Variants in EPS15 observed in about 807,000 individuals in gnomAD.
The protein encoded by EPS15 is epidermal growth factor receptor substrate 15.
In EPS15, 72 loss-of-function variants were observed where a neutral mutation model predicts 113.8. The observed-to-expected ratio is 0.63, with a 90% CI of 0.52 to 0.77. The LOEUF (loss-of-function observed/expected upper bound fraction) is 0.77. Among genes scored for constraint, EPS15 ranks in the 30% least tolerant of loss-of-function variants. EPS15 has a pLI of 0.00. For missense variants in EPS15, 1,048 were observed against 1,045.8 expected (o/e 1.00, Z -0.03); for synonymous variants, 344 against 363.4 (o/e 0.95, Z 0.61).
chr1:51,392,380 T>C (rs1186634604), intron 21 of EPS15, among the ~76,000 whole-genome samples: 4 of 152,194 alleles, frequency 2.6e-5, no homozygotes, highest in Non-Finnish European at 5.9e-5. Flanking sequence ...GTTCAATAAA[T>C]AGTAGCCATT....
At chr1:51,393,233 T>A (rs1647567593) in intron 21 of EPS15, among the ~76,000 whole-genome samples, 1 of 152,356 alleles carries the variant, frequency 6.6e-6, no homozygotes, top group East Asian at 1.9e-4. Flanking sequence ...GCCTTTTTTT[T>A]GGAGACAGAG....
intron 1 of EPS15, among the ~76,000 whole-genome samples, chr1:51,514,589 A>G (rs530126366): frequency 2.6e-5 from 4 of 152,336 alleles, no homozygotes; most frequent in East Asian, 3.9e-4. Context: ...TCACACTATT[A>G]GAGATTGCAG....
At chr1:51,367,617 C>T (rs564056496) in intron 21 of EPS15, among the ~76,000 whole-genome samples, 2 of 152,226 alleles carry the variant, frequency 1.3e-5, no homozygotes, top group South Asian at 2.1e-4. Context: ...TTTCTTCCAT[C>T]ACATTGCACT....
At chr1:51,403,169 C>G (rs554811436) in intron 17 of EPS15, among the ~76,000 whole-genome samples, 2 of 152,132 alleles carry the variant, frequency 1.3e-5, no homozygotes, top group Non-Finnish European at 2.9e-5. Context: ...TCCTGAGTAG[C>G]TGGGACTACA....
At chr1:51,358,631 T>C (rs1268709512) in intron 24 of EPS15, among the ~76,000 whole-genome samples, 1 of 152,124 alleles carries the variant, frequency 6.6e-6, no homozygotes, top group Non-Finnish European at 1.5e-5. Context: ...CTGTTTTTTA[T>C]TATACTATAT....
At chr1:51,398,084 C>G (rs1286492942) in intron 20 of EPS15, among the ~76,000 whole-genome samples, 1 of 148,118 alleles carries the variant, frequency 6.8e-6, no homozygotes, top group South Asian at 2.1e-4. Flanking sequence ...GACGGAGTCT[C>G]GCTCTGTCAC....
chr1:51,493,177 T>C (rs547871418), intron 1 of EPS15, among the ~76,000 whole-genome samples: 13 of 152,194 alleles, frequency 8.5e-5, no homozygotes, highest in Admixed American at 3.3e-4. Flanking sequence ...CTGGCTAACA[T>C]GGTGAAACCC....
chr1:51,364,825 G>A (rs1345065177), intron 22 of EPS15, among the ~76,000 whole-genome samples: 1 of 151,038 alleles, frequency 6.6e-6, no homozygotes, highest in Non-Finnish European at 1.5e-5. Context: ...GAAGCAAACT[G>A]ATCCCATAAA....
intron 1 of EPS15, among the ~76,000 whole-genome samples, chr1:51,514,539 CT>C (rs1243448364): frequency 6.6e-6 from 1 of 152,150 alleles, no homozygotes; most frequent in African/African-American, 2.4e-5. Context: ...TTGTAATTCC[CT>C]AAAGAACAAG....
intron 1 of EPS15, among the ~76,000 whole-genome samples, chr1:51,505,244 GCAT>G (rs1289842828): frequency 6.6e-6 from 1 of 152,014 alleles, no homozygotes; most frequent in Non-Finnish European, 1.5e-5. Flanking sequence ...GCTTATAAAA[GCAT>G]TATTCATAAC....
intron 6 of EPS15, among the ~76,000 whole-genome samples, 199 bp downstream of exon 6, chr1:51,465,062 A>G (rs900389052): frequency 6.6e-6 from 1 of 152,196 alleles, no homozygotes; most frequent in African/African-American, 2.4e-5. Context: ...ATTATAACAG[A>G]TATACAAGTA....
rs1243819783 is a variant in EPS15, at chr1:51,357,418, ATATATATATTT to A, written c.2545-583_2545-573del. On this transcript the variant is annotated intron_variant, in intron 24 of 24. Coordinates refer to ENST00000371733, the MANE Select transcript of EPS15 (RefSeq NM_001981.3). ...TATATATATATATATATATATATAT[ATATATATATTT>A]TTTTTTTTTAAATGTGATATATATA... is the stretch of plus-strand genomic sequence containing the variant. Among the ~76,000 whole-genome samples the A allele has an allele frequency of 2.5e-3, 174 of 68,918 alleles. 1 individual carries two copies. The highest frequency in any genetic ancestry group is 0.014 in the African/African-American group (170 of 12,554). The allele number at this position is 68,918 out of a possible 152,430, so 45.2% of individuals were successfully genotyped here.
chr1:51,448,016 G>T, intron 9 of EPS15, 30 bp downstream of exon 9: 1 of 1,606,898 alleles, frequency 6.2e-7, no homozygotes, highest in Admixed American at 1.7e-5. Context: ...CTGAAGAGGG[G>T]ATCAACCGCA....
chr1:51,384,386 T>C (rs1647014377), intron 21 of EPS15, among the ~76,000 whole-genome samples: 1 of 149,252 alleles, frequency 6.7e-6, no homozygotes, highest in Admixed American at 6.8e-5. Context: ...CTGTAATCTC[T>C]GCCTCCTCGG....
intron 21 of EPS15, among the ~76,000 whole-genome samples, chr1:51,380,788 A>G (rs1051477620): frequency 4.6e-5 from 7 of 152,356 alleles, no homozygotes; most frequent in Admixed American, 3.9e-4. Flanking sequence ...TACATGCTGT[A>G]TAAGAGAGAT....
At chr1:51,361,034 CTTGGGGGAAGAATGAAAGATCATTT>C (rs989926033) in intron 24 of EPS15, 112 bp downstream of exon 24, 10 of 676,218 alleles carry the variant, frequency 1.5e-5, no homozygotes, top group African/African-American at 5.4e-5. Flanking sequence ...AGAGGTTTTG[CTTGGGGGAAGAATGAAAGATCATTT>C]TTAGTATCTT....
intron 21 of EPS15, chr1:51,372,623 G>A: frequency 4.1e-6 from 2 of 482,564 alleles, no homozygotes; most frequent in Admixed American, 4.4e-5. Flanking sequence ...CTCAGTATTG[G>A]TATTACTGAC....
chr1:51,461,707 C>G (rs961681191), intron 7 of EPS15: 1 of 151,986 alleles, frequency 6.6e-6, no homozygotes, highest in South Asian at 2.1e-4. Flanking sequence ...AAATTTCACA[C>G]TGATCACACA....
chr1:51,472,335 C>A (rs1655302256), intron 3 of EPS15, among the ~76,000 whole-genome samples: 1 of 152,132 alleles, frequency 6.6e-6, no homozygotes, highest in Admixed American at 6.5e-5. Flanking sequence ...TTAAGATATT[C>A]TTTTCTATGT....
Sources: gnomAD v4.1 joint callset for allele counts (sites outside exome capture counted in the v4.1 genomes callset) on GRCh38, gnomAD v4.1.1 for gene constraint, MANE v1.5 for transcripts, NCBI Gene and HGNC (gene_info 2026-07-23, HGNC 2026-07-21) for gene names.